PLAC1: variants seen among roughly 807,000 people sequenced by gnomAD.
PLAC1 encodes the protein placenta associated 1.
For synonymous variants in PLAC1, 68 were observed against 62.1 expected, an observed-to-expected ratio of 1.09 and a Z score of -0.44; for missense variants, 136 against 163.2, an observed-to-expected ratio of 0.83 and a Z score of 0.91.
At chrX:134,750,609 T>C (rs897133478) in intron 1 of PLAC1, among the ~76,000 whole-genome samples, 1 of 104,045 alleles carries the variant, frequency 9.6e-6, no homozygotes, top group Admixed American at 1.1e-4. Flanking sequence ...TTTCTCCTTA[T>C]AGACCTCTGC....
chrX:134,704,416 C>T (rs2078594115), intron 2 of PLAC1, among the ~76,000 whole-genome samples: 2 of 104,382 alleles, frequency 1.9e-5, no homozygotes, highest in South Asian at 4.4e-4. Context: ...TCACTTGAAC[C>T]CGGGAGGCAG....
At chrX:134,676,126 C>G (rs994076990) in intron 2 of PLAC1, among the ~76,000 whole-genome samples, 1 of 112,222 alleles carries the variant, frequency 8.9e-6, no homozygotes, top group Non-Finnish European at 1.9e-5. Context: ...GAAACTTTGT[C>G]TATTCAATGT....
chrX:134,696,987 C>T (rs1188412838), intron 2 of PLAC1, among the ~76,000 whole-genome samples: 1 of 106,294 alleles, frequency 9.4e-6, no homozygotes, highest in Non-Finnish European at 1.9e-5. Context: ...GAGCCGAGAT[C>T]GCGCCACTGC....
At chrX:134,698,842 C>T (rs1453689974) in intron 2 of PLAC1, among the ~76,000 whole-genome samples, 1 of 111,108 alleles carries the variant, frequency 9.0e-6, no homozygotes, top group Admixed American at 9.6e-5. Context: ...TATAATGTGA[C>T]CAGAAGAGAA....
chrX:134,601,029 T>G (rs1332346720), intron 2 of PLAC1: 1 of 101,637 alleles, frequency 9.8e-6, no homozygotes, highest in Non-Finnish European at 2.0e-5. Context: ...TGTTAATATT[T>G]CTATTATTTC....
chrX:134,753,309 C>G (rs1215652700), intron 1 of PLAC1, among the ~76,000 whole-genome samples: 1 of 111,260 alleles, frequency 9.0e-6, no homozygotes, highest in Non-Finnish European at 1.9e-5. Context: ...CTAGCCTAAT[C>G]GACATTGACT....
chrX:134,681,801 G>T (rs1363396073), intron 2 of PLAC1, among the ~76,000 whole-genome samples: 2 of 111,382 alleles, frequency 1.8e-5, no homozygotes, highest in Non-Finnish European at 3.8e-5. Flanking sequence ...ACATCATTAT[G>T]GTTGGAACTA....
At chrX:134,579,813 G>A (rs1242299593) in intron 2 of PLAC1, among the ~76,000 whole-genome samples, 1 of 111,480 alleles carries the variant, frequency 9.0e-6, no homozygotes, top group Middle Eastern at 4.2e-3. Flanking sequence ...CTCATCCCTA[G>A]GAGGACACCC....
At chrX:134,617,410 T>C (rs150972439) in intron 1 of PLAC1, among the ~76,000 whole-genome samples, 1,441 of 112,057 alleles carry the variant, frequency 0.013, 22 homozygotes, top group African/African-American at 0.044. Flanking sequence ...TACTGGATCT[T>C]AGAGGAGGAA....
In PLAC1 at chrX:134,743,741, G is replaced by A. The variant is rs772477484; in HGVS notation, n.90-10222C>T. Among the ~76,000 whole-genome samples, 11 of 111,660 alleles carry A rather than the reference G, an allele frequency of 9.9e-5. No individual in the cohort carries two copies. In the East Asian group the frequency reaches 2.3e-3, roughly 23 times the overall value. Reference sequence around the variant, plus strand: ...CGAAACAAGAAAAACTCTAGCCATCGATGCTATTAAGACTAGGGTACTATC... The same window carrying A: ...CGAAACAAGAAAAACTCTAGCCATCAATGCTATTAAGACTAGGGTACTATC... On this transcript the variant is annotated intron_variant and non_coding_transcript_variant, in intron 1 of 2. Transcript: ENST00000466797.
At chrX:134,623,828 A>T (rs1354213482) in intron 1 of PLAC1, among the ~76,000 whole-genome samples, 1 of 112,094 alleles carries the variant, frequency 8.9e-6, no homozygotes, top group Non-Finnish European at 1.9e-5. Flanking sequence ...AGAGCTGCAA[A>T]GTGTTGACTT....
intron 1 of PLAC1, among the ~76,000 whole-genome samples, chrX:134,654,788 C>A: frequency 8.9e-6 from 1 of 112,483 alleles, no homozygotes; most frequent in South Asian, 3.7e-4. Context: ...TAGCTGACGT[C>A]TGTGGGGCCA....
chrX:134,619,650 CA>C (rs374028482), intron 1 of PLAC1, among the ~76,000 whole-genome samples: 424 of 55,359 alleles, frequency 7.7e-3, no homozygotes, highest in Middle Eastern at 0.011. Context: ...GACTCCATCT[CA>C]AAAAAAAAAA....
intron 1 of PLAC1, among the ~76,000 whole-genome samples, chrX:134,747,636 G>A (rs954350619): frequency 6.3e-5 from 7 of 111,417 alleles, no homozygotes; most frequent in African/African-American, 2.3e-4. Context: ...TGGCCTGAGA[G>A]TCAGGAAACT....
intron 2 of PLAC1, among the ~76,000 whole-genome samples, chrX:134,574,934 G>A (rs1293495001): frequency 9.0e-6 from 1 of 111,701 alleles, no homozygotes; most frequent in Admixed American, 9.5e-5. Context: ...CTAGAAAAAG[G>A]AACCTAAACC....
chrX:134,669,756 A>C (rs1602894382), intron 2 of PLAC1, among the ~76,000 whole-genome samples: 2 of 112,415 alleles, frequency 1.8e-5, no homozygotes, highest in Admixed American at 1.9e-4. Flanking sequence ...CTGGAGCTGG[A>C]GGTCCGCAGT....
intron 2 of PLAC1, among the ~76,000 whole-genome samples, chrX:134,691,025 T>C (rs1481751226): frequency 1.3e-5 from 1 of 75,352 alleles, no homozygotes; most frequent in Non-Finnish European, 2.4e-5. Flanking sequence ...TATATATGTA[T>C]ATATCATATT....
intron 1 of PLAC1, among the ~76,000 whole-genome samples, chrX:134,611,969 G>A (rs1383968926): frequency 1.8e-5 from 2 of 111,383 alleles, no homozygotes; most frequent in Admixed American, 1.9e-4. Context: ...TCACCTCACC[G>A]TACTTGTTCT....
chrX:134,743,551 A>T (rs1024078878), intron 1 of PLAC1, among the ~76,000 whole-genome samples: 3 of 112,209 alleles, frequency 2.7e-5, no homozygotes, highest in African/African-American at 9.7e-5. Context: ...ATAAAGACGT[A>T]GTAAAAAACC....
Sources: gnomAD v4.1 joint callset for allele counts (sites outside exome capture counted in the v4.1 genomes callset) on GRCh38, gnomAD v4.1.1 for gene constraint, MANE v1.5 for transcripts, NCBI Gene and HGNC (gene_info 2026-07-23, HGNC 2026-07-21) for gene names.